Variants in RP1 observed in about 807,000 individuals in gnomAD.
RP1 encodes the protein oxygen-regulated protein 1.
Under a neutral mutation model 14.8 loss-of-function variants are expected in RP1, and 16 were observed. That is an observed-to-expected ratio of 1.08 (90% CI 0.73 to 1.65). The LOEUF (loss-of-function observed/expected upper bound fraction) is 1.65. Among genes scored for constraint, RP1 ranks in the 40% most tolerant of loss-of-function variants. The probability of loss-of-function intolerance (pLI) is 0.00; values close to 1 mark genes in which losing one functional copy is unlikely to be tolerated. For synonymous variants in RP1, 876 were observed against 883.6 expected (o/e 0.99, Z 0.15); for missense variants, 2,631 against 2,535.0 (o/e 1.04, Z -0.81).
intron 12 of RP1, among the ~76,000 whole-genome samples, chr8:54,687,940 C>T (rs951758935): frequency 3.3e-5 from 5 of 152,118 alleles, no homozygotes; most frequent in Admixed American, 6.5e-5. Flanking sequence ...AGTGTAAAAG[C>T]GTTCCTATTT....
rs1554540439 is a variant in RP1 at position 54,853,754 on chromosome 8, G to GAGAGAGAAAGAA, written c.3990+1032_3990+1043dup. Reference sequence around the variant, plus strand: ...AAAAAAAGAGAGAAAGAAAGAAAGAGAGAGAGAAAGAAAGAGAAAGGAAGG... The same window carrying GAGAGAGAAAGAA: ...AAAAAAAGAGAGAAAGAAAGAAAGAGAGAGAGAAAGAAAGAGAGAAAGAAAGAGAAAGGAAGG... On this transcript the variant is annotated intron_variant, in intron 26 of 28. Transcript: ENST00000637698. 3.2e-3 allele frequency among the ~76,000 whole-genome samples: 455 copies of GAGAGAGAAAGAA among 142,136 alleles called. 5 individuals are homozygous for GAGAGAGAAAGAA. The highest frequency in any genetic ancestry group is 0.011 in the African/African-American group (425 of 37,866). The allele number at this position is 142,136 out of a possible 152,430, so 93.2% of individuals were successfully genotyped here.
chr8:54,686,341 A>G (rs761476600), intron 12 of RP1, among the ~76,000 whole-genome samples: 16 of 151,958 alleles, frequency 1.1e-4, no homozygotes, highest in Non-Finnish European at 2.2e-4. Flanking sequence ...ATATTTCAAG[A>G]CTATCTCCCT....
At chr8:54,739,775 G>A (rs983682728) in intron 19 of RP1, among the ~76,000 whole-genome samples, 1 of 151,834 alleles carries the variant, frequency 6.6e-6, no homozygotes, top group African/African-American at 2.4e-5. Flanking sequence ...ATAGCCATGT[G>A]CCACATAGGA....
intron 1 of RP1, among the ~76,000 whole-genome samples, chr8:54,598,385 G>A (rs6987344): frequency 0.36 from 54,750 of 151,962 alleles, 10,324 homozygotes; most frequent in Middle Eastern, 0.42. Flanking sequence ...CCAGTGTTAA[G>A]TGTAGCCCTT....
chr8:54,567,561 A>AT (rs1804435615), intron 1 of RP1, among the ~76,000 whole-genome samples: 1 of 151,930 alleles, frequency 6.6e-6, no homozygotes, highest in Admixed American at 6.6e-5. Flanking sequence ...TGAGGTCATT[A>AT]TTTTTTCAGT....
intron 12 of RP1, chr8:54,680,038 G>A: frequency 1.4e-6 from 2 of 1,391,616 alleles, no homozygotes; most frequent in Non-Finnish European, 1.9e-6. Context: ...TTTTACAGAT[G>A]GCTTTACACA....
chr8:54,637,258 A>T lies in RP1; in HGVS notation c.788-11727A>T, dbSNP rs191310740. On this transcript the variant is annotated intron_variant, in intron 3 of 22. Coordinates refer to the RP1 transcript ENST00000636932. ...GTAATAGCTCGATAGGACTGATTGAACTCCTGGGTGGTCCTGAGTGGGTTA... is the reference window on the plus strand; with the variant it reads ...GTAATAGCTCGATAGGACTGATTGATCTCCTGGGTGGTCCTGAGTGGGTTA... Among the ~76,000 whole-genome samples the T allele has an allele frequency of 8.8e-4, 133 of 151,640 alleles. 2 individuals carry two copies. Among genetic ancestry groups the T allele is most frequent in the African/African-American group, 2.8e-3 (114 of 41,310 alleles).
intron 12 of RP1, among the ~76,000 whole-genome samples, chr8:54,693,656 G>T (rs1470423243): frequency 6.6e-6 from 1 of 152,082 alleles, no homozygotes; most frequent in East Asian, 1.9e-4. Context: ...TGTGATTTTT[G>T]TACATTGATT....
intron 26 of RP1, among the ~76,000 whole-genome samples, chr8:54,854,662 C>G (rs542084505): frequency 2.6e-5 from 4 of 151,992 alleles, no homozygotes; most frequent in African/African-American, 9.7e-5. Context: ...GTCAGGAGTT[C>G]GAGACCAGCC....
chr8:54,656,126 C>T, exon 6 of RP1: 1 of 1,534,596 alleles, frequency 6.5e-7, no homozygotes, highest in Non-Finnish European at 8.7e-7. Context: ...TTTTATGTAC[C>T]TGTTCAACGA....
chr8:54,796,869 G>T (rs1390470449), intron 24 of RP1, among the ~76,000 whole-genome samples: 1 of 152,142 alleles, frequency 6.6e-6, no homozygotes, highest in Non-Finnish European at 1.5e-5. Context: ...GAACGAAAAT[G>T]GAAAGAAAAT....
downstream of RP1, among the ~76,000 whole-genome samples, chr8:54,633,466 G>T (rs889354531): frequency 2.0e-5 from 3 of 152,052 alleles, no homozygotes; most frequent in East Asian, 5.8e-4. Context: ...GTAAACTGAG[G>T]TATTGAAACT....
intron 25 of RP1, among the ~76,000 whole-genome samples, chr8:54,845,356 C>T (rs936469447): frequency 1.3e-5 from 2 of 152,118 alleles, no homozygotes; most frequent in Non-Finnish European, 2.9e-5. Flanking sequence ...GACTCATCAA[C>T]GGATGGATGA....
At chr8:54,658,899 A>G (rs1284497590) in intron 6 of RP1, among the ~76,000 whole-genome samples, 1 of 133,368 alleles carries the variant, frequency 7.5e-6, no homozygotes, top group African/African-American at 2.9e-5. Context: ...TTTTTTTTCT[A>G]TTGATACTGG....
At chr8:54,781,147 C>A (rs1259189486) in intron 23 of RP1, 1 of 506,036 alleles carries the variant, frequency 2.0e-6, no homozygotes, top group African/African-American at 2.1e-5. Context: ...TATAGTATCT[C>A]CCCCAATTTA....
chr8:54,834,434 G>A (rs1336128618), intron 24 of RP1, among the ~76,000 whole-genome samples: 1 of 151,920 alleles, frequency 6.6e-6, no homozygotes, highest in African/African-American at 2.4e-5. Context: ...ATGACACCAA[G>A]ACTAAAGAAT....
chr8:54,589,651 G>A (rs1197899018), intron 1 of RP1, among the ~76,000 whole-genome samples: 1 of 152,056 alleles, frequency 6.6e-6, no homozygotes, highest in East Asian at 1.9e-4. Context: ...TTGTCTTCCA[G>A]CCTTGTATTT....
At chr8:54,817,282 G>A (rs527318751) in intron 24 of RP1, among the ~76,000 whole-genome samples, 48 of 152,236 alleles carry the variant, frequency 3.2e-4, no homozygotes, top group African/African-American at 1.1e-3. Flanking sequence ...TGAATACATG[G>A]CTAAGAACTG....
chr8:54,822,321 T>G (rs950038205), intron 24 of RP1, among the ~76,000 whole-genome samples: 1 of 152,048 alleles, frequency 6.6e-6, no homozygotes, highest in African/African-American at 2.4e-5. Flanking sequence ...CATATTTGAT[T>G]GTAGGAATTT....
Sources: gnomAD v4.1 joint callset for allele counts (sites outside exome capture counted in the v4.1 genomes callset) on GRCh38, gnomAD v4.1.1 for gene constraint, MANE v1.5 for transcripts, NCBI Gene and HGNC (gene_info 2026-07-23, HGNC 2026-07-21) for gene names.